Variants in TMEM255A observed in about 807,000 individuals in gnomAD.
TMEM255A encodes transmembrane protein 255A, also known as family with sequence similarity 70, member A.
TMEM255A carries 14 observed loss-of-function variants against 23.5 expected under a neutral mutation model. The ratio of observed to expected loss-of-function variants is 0.60; its 90% CI spans 0.39 to 0.93. The LOEUF (loss-of-function observed/expected upper bound fraction) is 0.93. Among genes scored for constraint, TMEM255A ranks in the 40% least tolerant of loss-of-function variants. TMEM255A has a pLI of 0.00. For synonymous variants in TMEM255A, 104 were observed against 100.3 expected, an observed-to-expected ratio of 1.04 and a Z score of -0.22; for missense variants, 233 against 261.7, an observed-to-expected ratio of 0.89 and a Z score of 0.76.
chrX:120,306,613 G>A (rs1158852248), intron 1 of TMEM255A, among the ~76,000 whole-genome samples: 1 of 112,124 alleles, frequency 8.9e-6, no homozygotes, highest in Non-Finnish European at 1.9e-5. Flanking sequence ...TGATATGGAA[G>A]TGTCTCAACA....
intron 7 of TMEM255A, among the ~76,000 whole-genome samples, chrX:120,270,286 A>T (rs781790421): frequency 4.6e-5 from 5 of 107,924 alleles, no homozygotes; most frequent in Non-Finnish European, 9.5e-5. Context: ...CACGTATAGG[A>T]GTGTGTGTTT....
chrX:120,261,466 A>G (rs1056918537), intron 8 of TMEM255A, among the ~76,000 whole-genome samples: 6 of 112,447 alleles, frequency 5.3e-5, no homozygotes, highest in Non-Finnish European at 1.1e-4. Flanking sequence ...AGTCTTTGCT[A>G]AAAGAGTATA....
Position 120,259,723 on chromosome X carries a change from A to G in TMEM255A, c.*1147T>C, listed in dbSNP as rs930367910. ...TGGTTTAAAGCTATGTGTAATTAAA[A>G]GAACTGTACAAATACCTACCACGGT... On this transcript the variant is annotated 3_prime_UTR_variant, in exon 9 of 9. Transcript: ENST00000371369. 8.9e-6 allele frequency: 1 copy of G among 112,504 alleles called. No individual in the cohort carries two copies. Among genetic ancestry groups the G allele is most frequent in the African/African-American group, 3.2e-5 (1 of 30,836 alleles). The allele number at this position is 112,504 out of a possible 1,213,427, so 9.3% of individuals were successfully genotyped here. A position where few individuals can be genotyped will look rare whatever the true frequency, so the allele number is the denominator to read the frequency against.
chrX:120,296,967 TA>T (rs781979405), intron 2 of TMEM255A, among the ~76,000 whole-genome samples: 1 of 2,118 alleles, frequency 4.7e-4, no homozygotes, highest in African/African-American at 2.9e-3. Context: ...ATATAATATA[TA>T]ATATTATATA....
chrX:120,252,857 G>C, the TMEM255A span: 4 of 112,254 alleles, frequency 3.6e-5, no homozygotes, highest in Non-Finnish European at 5.6e-5. Context: ...GGTAATAATT[G>C]TCAGTGTTTA....
intron 2 of TMEM255A, among the ~76,000 whole-genome samples, chrX:120,294,450 A>G (rs970081041): frequency 9.1e-6 from 1 of 110,134 alleles, no homozygotes; most frequent in Non-Finnish European, 1.9e-5. Flanking sequence ...AAAAAAAAAA[A>G]GGTATTGGTG....
intron 2 of TMEM255A, among the ~76,000 whole-genome samples, chrX:120,302,578 C>A (rs114056189): frequency 0.011 from 1,148 of 106,277 alleles, 21 homozygotes; most frequent in African/African-American, 0.037. Context: ...TGCCTCACCA[C>A]AGGAAGTGCA....
downstream of TMEM255A, chrX:120,257,859 A>G (rs1450253928): frequency 8.1e-6 from 1 of 123,144 alleles, no homozygotes; most frequent in Non-Finnish European, 1.9e-5. Flanking sequence ...CTCTCTGGCT[A>G]TTGAACTTCC....
At chrX:120,301,070 A>C (rs1444047685) in intron 2 of TMEM255A, among the ~76,000 whole-genome samples, 1 of 110,841 alleles carries the variant, frequency 9.0e-6, no homozygotes, top group Non-Finnish European at 1.9e-5. Context: ...ACAGACTAGC[A>C]CATCTTTACA....
At chrX:120,283,849 G>A (rs1038042890) in intron 6 of TMEM255A, among the ~76,000 whole-genome samples, 12 of 110,820 alleles carry the variant, frequency 1.1e-4, no homozygotes, top group African/African-American at 4.0e-4. Flanking sequence ...ACCCTTCAAT[G>A]GCCCCCAGTT....
chrX:120,288,345 C>T (rs781965680), intron 4 of TMEM255A, among the ~76,000 whole-genome samples: 4 of 112,184 alleles, frequency 3.6e-5, no homozygotes, highest in Non-Finnish European at 7.5e-5. Context: ...CTGAAAGTAC[C>T]TTGCCCTGTT....
chrX:120,304,346 T>G lies in TMEM255A; in HGVS notation c.201+3A>C. On this transcript the variant is annotated splice_donor_region_variant and intron_variant, in intron 2 of 8. Transcript: ENST00000371369. Reference sequence around the variant, plus strand: ...GCGACCTACCTGTGCCTTCTATACTTACAATAACTCCGGGGTAATAACCTC... The same window carrying G: ...GCGACCTACCTGTGCCTTCTATACTGACAATAACTCCGGGGTAATAACCTC... The G allele has an allele frequency of 8.3e-7, 1 of 1,207,915 alleles. No homozygotes were observed. Among genetic ancestry groups the G allele is most frequent in the Non-Finnish European group, 1.1e-6 (1 of 893,699 alleles).
At chrX:120,269,587 C>T (rs1447146179) in intron 7 of TMEM255A, among the ~76,000 whole-genome samples, 1 of 111,780 alleles carries the variant, frequency 8.9e-6, no homozygotes, top group Non-Finnish European at 1.9e-5. Context: ...AGTTCTGTTG[C>T]TCTCTTCCTT....
chrX:120,266,424 C>T (rs1247259398), intron 8 of TMEM255A, among the ~76,000 whole-genome samples: 1 of 110,041 alleles, frequency 9.1e-6, no homozygotes, highest in Non-Finnish European at 1.9e-5. Flanking sequence ...ACATGGAACA[C>T]AGAGTAAACA....
chrX:120,259,928 TTTGGG>T lies in TMEM255A; in HGVS notation c.*937_*941del, dbSNP rs3842486. ...GTGGCATTAAAATACAGATGACTCT[TTTGGG>T]GTGGGGTGCAGGATACGTGCGGATT... On this transcript the variant is annotated 3_prime_UTR_variant, in exon 9 of 9. Transcript: ENST00000371369. The T allele has an allele frequency of 2.8e-4, 34 of 120,726 alleles. No homozygotes were observed. In the East Asian group the frequency reaches 6.4e-3, roughly 23 times the overall value. 9.9% of individuals were successfully genotyped at this position (120,726 alleles called of 1,213,427 possible).
Position 120,311,358 on chromosome X carries a change from C to T in TMEM255A, c.-49G>A, listed in dbSNP as rs1245253371. The T allele has an allele frequency of 2.0e-5, 22 of 1,089,932 alleles. No homozygotes were observed. Among genetic ancestry groups the T allele is most frequent in the Non-Finnish European group, 2.5e-5 (20 of 802,836 alleles). 89.8% of individuals were successfully genotyped at this position (1,089,932 alleles called of 1,213,427 possible). A position where few individuals can be genotyped will look rare whatever the true frequency, so the allele number is the denominator to read the frequency against. On this transcript the variant is annotated 5_prime_UTR_variant, in exon 1 of 9. Coordinates refer to ENST00000371369, the MANE Select transcript of TMEM255A (RefSeq NM_001104544.3). ...AGTCCCCGAAGCTGCTTCAAGCGCCCCCGGCTCTGGGCGCCCCGCAGAGCA... is the reference window on the plus strand; with the variant it reads ...AGTCCCCGAAGCTGCTTCAAGCGCCTCCGGCTCTGGGCGCCCCGCAGAGCA...
chrX:120,308,411 T>C (rs1556027532), intron 1 of TMEM255A, among the ~76,000 whole-genome samples: 1 of 112,277 alleles, frequency 8.9e-6, no homozygotes, highest in Non-Finnish European at 1.9e-5. Flanking sequence ...TATCCTGTCC[T>C]GTACACGGTG....
rs782310141 is a variant in TMEM255A at position 120,311,291 on chromosome X, G to C, written c.19C>G (p.Gln7Glu). 2.5e-6 allele frequency: 3 copies of C among 1,182,205 alleles called. No individual in the cohort carries two copies. Among genetic ancestry groups the C allele is most frequent in the East Asian group, 3.1e-5 (1 of 32,094 alleles). The change falls in exon 1 of 9, where the codon CAG becomes GAG. Residue 7 changes from glutamine (Q) to glutamate (E), a missense_variant. By Grantham distance (29) the Gln-to-Glu change is conservative. Coordinates refer to ENST00000371369, the MANE Select transcript of TMEM255A (RefSeq NM_001104544.3). MHQSLT[Q>E]QRSSDMSLPD... ...AGGGACATGTCGCTGGACCGCTGCT[G>C]AGTCAGGGACTGATGCATGGTGAAA...
intron 7 of TMEM255A, among the ~76,000 whole-genome samples, chrX:120,271,868 C>G (rs1398900905): frequency 8.9e-6 from 1 of 111,933 alleles, no homozygotes. Context: ...ATAAATGACA[C>G]TTCATCAAAA....
Sources: gnomAD v4.1 joint callset for allele counts (sites outside exome capture counted in the v4.1 genomes callset) on GRCh38, gnomAD v4.1.1 for gene constraint, MANE v1.5 for transcripts, NCBI Gene and HGNC (gene_info 2026-07-23, HGNC 2026-07-21) for gene names.